The following SMYD3 variants were observed in gnomAD, a reference collection of about 807,000 sequenced individuals.
SMYD3 encodes SET and MYND domain containing 3, also known as histone-lysine N-methyltransferase SMYD3.
Under a neutral mutation model 57.7 loss-of-function variants are expected in SMYD3, and 36 were observed. The ratio of observed to expected loss-of-function variants is 0.62; its 90% CI spans 0.48 to 0.82. The LOEUF is 0.82. Ranked by LOEUF, SMYD3 falls within the 40% of genes least tolerant of loss-of-function variation. The pLI is 0.00. For synonymous variants in SMYD3, 211 were observed against 195.0 expected, an observed-to-expected ratio of 1.08 and a Z score of -0.68; for missense variants, 515 against 538.8, an observed-to-expected ratio of 0.96 and a Z score of 0.44.
intron 5 of SMYD3, among the ~76,000 whole-genome samples, chr1:246,258,183 T>G (rs1474437111): frequency 6.6e-6 from 1 of 152,040 alleles, no homozygotes. Context: ...ATTACAGGTG[T>G]GCACCACCAC....
chr1:246,392,242 G>A (rs1463251191), intron 1 of SMYD3, among the ~76,000 whole-genome samples: 2 of 152,142 alleles, frequency 1.3e-5, no homozygotes, highest in Non-Finnish European at 2.9e-5. Context: ...CAAGGTTGGT[G>A]AAAATGGGAG....
intron 5 of SMYD3, among the ~76,000 whole-genome samples, chr1:246,103,313 T>C (rs1334920769): frequency 6.6e-6 from 1 of 152,190 alleles, no homozygotes; most frequent in Non-Finnish European, 1.5e-5. Context: ...TAATGTTGAT[T>C]ATTTTGAGAA....
Position 245,845,951 on chromosome 1 carries a change from C to T in SMYD3, c.1076+12545G>A, listed in dbSNP as rs965868574. On this transcript the variant is annotated intron_variant, in intron 10 of 11. Coordinates refer to ENST00000490107, the MANE Select transcript of SMYD3 (RefSeq NM_001167740.2). The stretch of plus-strand genomic sequence containing the variant: ...TGCATTTTTGGCAGGGCTGCCAGCA[C>T]CTCATCTCCCTCGGTCCAGGCAGGG... Among the ~76,000 whole-genome samples, 20 of 152,234 alleles carry T rather than the reference C, an allele frequency of 1.3e-4. 1 individual carries two copies. The highest frequency in any genetic ancestry group is 2.1e-4 in the South Asian group (1 of 4,832).
At chr1:245,871,911 G>T (rs958407200) in intron 8 of SMYD3, among the ~76,000 whole-genome samples, 1 of 152,136 alleles carries the variant, frequency 6.6e-6, no homozygotes, top group Non-Finnish European at 1.5e-5. Context: ...GTGGAGGAGG[G>T]AGCACATTAC....
chr1:246,016,115 G>GT (rs1365902033), intron 5 of SMYD3, among the ~76,000 whole-genome samples: 1 of 151,970 alleles, frequency 6.6e-6, no homozygotes, highest in African/African-American at 2.4e-5. Context: ...AAAAAAATAA[G>GT]TATCAGCCAG....
At chr1:245,951,241 G>C (rs976189950) in intron 5 of SMYD3, among the ~76,000 whole-genome samples, 3 of 151,874 alleles carry the variant, frequency 2.0e-5, no homozygotes, top group Non-Finnish European at 4.4e-5. Context: ...AGAAAGATGC[G>C]GGGGTGAATT....
At chr1:245,857,014 G>A (rs1389187804) in intron 10 of SMYD3, among the ~76,000 whole-genome samples, 4 of 152,150 alleles carry the variant, frequency 2.6e-5, no homozygotes, top group Non-Finnish European at 5.9e-5. Flanking sequence ...AATGCGATTC[G>A]TATTTTCCGA....
At chr1:245,948,962 C>G (rs940456991) in intron 5 of SMYD3, among the ~76,000 whole-genome samples, 5 of 152,212 alleles carry the variant, frequency 3.3e-5, no homozygotes, top group African/African-American at 1.2e-4. Flanking sequence ...CTGAGCAGTT[C>G]CTCTGCAAGC....
intron 7 of SMYD3, among the ~76,000 whole-genome samples, chr1:245,925,982 T>C (rs1295505205): frequency 2.6e-5 from 4 of 152,186 alleles, no homozygotes; most frequent in Admixed American, 2.0e-4. Context: ...AATAAATTTC[T>C]CACAGTTCTG....
At chr1:245,973,092 CCA>C (rs2058342038) in intron 5 of SMYD3, among the ~76,000 whole-genome samples, 1 of 152,118 alleles carries the variant, frequency 6.6e-6, no homozygotes, top group South Asian at 2.1e-4. Context: ...GGTTCCACGG[CCA>C]CAGACACAAA....
At chr1:246,274,683 C>A (rs1394798548) in intron 5 of SMYD3, among the ~76,000 whole-genome samples, 1 of 152,138 alleles carries the variant, frequency 6.6e-6, no homozygotes, top group Non-Finnish European at 1.5e-5. Flanking sequence ...TGCCTCCTAA[C>A]AGACACAGGC....
chr1:245,765,333 G>A (rs965549606), intron 10 of SMYD3, among the ~76,000 whole-genome samples: 5 of 151,708 alleles, frequency 3.3e-5, no homozygotes, highest in Non-Finnish European at 5.9e-5. Context: ...GGAGGCTGAG[G>A]CTGCAGTTTC....
intron 5 of SMYD3, among the ~76,000 whole-genome samples, chr1:246,094,632 A>G (rs2060881760): frequency 2.0e-5 from 3 of 152,184 alleles, no homozygotes; most frequent in African/African-American, 7.2e-5. Flanking sequence ...TTGCCGTTCA[A>G]TGCCCAGGCA....
chr1:246,332,826 T>C (rs747066613), intron 3 of SMYD3, among the ~76,000 whole-genome samples: 7 of 152,054 alleles, frequency 4.6e-5, no homozygotes, highest in Non-Finnish European at 1.0e-4. Context: ...CATACATACA[T>C]AAATCTAAAA....
At chr1:246,175,135 T>C (rs978793771) in intron 5 of SMYD3, among the ~76,000 whole-genome samples, 3 of 152,228 alleles carry the variant, frequency 2.0e-5, no homozygotes, top group South Asian at 2.1e-4. Context: ...GCCTGTGCCC[T>C]ATGTAGAAAA....
chr1:246,326,894 A>T, intron 5 of SMYD3: 1 of 379,832 alleles, frequency 2.6e-6, no homozygotes, highest in Non-Finnish European at 4.7e-6. Context: ...TTCACAAAAA[A>T]TAATGGGATA....
At chr1:246,078,891 C>T (rs187880013) in intron 5 of SMYD3, among the ~76,000 whole-genome samples, 47 of 152,310 alleles carry the variant, frequency 3.1e-4, no homozygotes, top group African/African-American at 1.0e-3. Context: ...AAGTATCTAC[C>T]ATGGTTCCAG....
intron 10 of SMYD3, among the ~76,000 whole-genome samples, chr1:245,823,554 A>G (rs1410902192): frequency 6.6e-6 from 1 of 152,196 alleles, no homozygotes; most frequent in East Asian, 1.9e-4. Context: ...TCTCAGCAGG[A>G]TTTACCAAAT....
At chr1:246,125,753 A>G (rs1225170686) in intron 5 of SMYD3, among the ~76,000 whole-genome samples, 2 of 152,196 alleles carry the variant, frequency 1.3e-5, no homozygotes, top group Non-Finnish European at 2.9e-5. Flanking sequence ...AGAAGTGGTG[A>G]GAGGGATCCT....
Sources: allele counts gnomAD v4.1 joint callset (sites outside exome capture counted in the v4.1 genomes callset), GRCh38; gene constraint gnomAD v4.1.1; transcripts MANE v1.5; gene names NCBI Gene and HGNC (gene_info 2026-07-23, HGNC 2026-07-21).